The following NRXN3 variants were observed in gnomAD, a reference collection of about 807,000 sequenced individuals.
The protein encoded by NRXN3 is neurexin III.
A neutral mutation model predicts 137.6 loss-of-function variants in NRXN3; 32 were observed. The observed-to-expected ratio is 0.23, with a 90% CI of 0.18 to 0.31. The LOEUF (loss-of-function observed/expected upper bound fraction) is 0.31, where lower values mean the gene tolerates loss of function less well. NRXN3 is among the 10% of genes least tolerant of loss of function. The pLI is 1.00. For missense variants in NRXN3, 1,574 were observed against 2,062.5 expected, an observed-to-expected ratio of 0.76 and a Z score of 4.59; for synonymous variants, 798 against 784.5, an observed-to-expected ratio of 1.02 and a Z score of -0.29.
intron 15 of NRXN3, among the ~76,000 whole-genome samples, chr14:79,291,548 G>T (rs908774661): frequency 6.6e-6 from 1 of 150,512 alleles, no homozygotes; most frequent in Non-Finnish European, 1.5e-5. Flanking sequence ...AGGCAGACTC[G>T]GAGGCATGGA....
At chr14:78,739,315 G>A (rs982041482) in intron 8 of NRXN3, among the ~76,000 whole-genome samples, 2 of 152,240 alleles carry the variant, frequency 1.3e-5, no homozygotes, top group African/African-American at 4.8e-5. Flanking sequence ...CACATAGCAT[G>A]TTGGCTGCGA....
intron 1 of NRXN3, among the ~76,000 whole-genome samples, chr14:78,207,467 A>C (rs2062318523): frequency 6.6e-6 from 1 of 151,882 alleles, no homozygotes; most frequent in African/African-American, 2.4e-5. Flanking sequence ...GGTCCTCTCC[A>C]CCCACAGGCA....
intron 3 of NRXN3, among the ~76,000 whole-genome samples, chr14:78,286,839 A>G (rs2075239288): frequency 6.6e-6 from 1 of 152,228 alleles, no homozygotes; most frequent in South Asian, 2.1e-4. Flanking sequence ...TGTGACTGTC[A>G]CAGTGATTCT....
Position 78,831,559 on chromosome 14 carries a change from A to AAAC in NRXN3, c.2275+21223_2275+21225dup, listed in dbSNP as rs1246185082. Among the ~76,000 whole-genome samples, 212 of 149,312 alleles carry AAAC rather than the reference A, an allele frequency of 1.4e-3. 2 individuals carry two copies. The highest frequency in any genetic ancestry group is 4.7e-3 in the African/African-American group (191 of 40,312). ...CAAAAAAAAAAAAAAAAAAAAAAAA[A>AAAC]AACAACAACAGAACAATAGCACTTT... On this transcript the variant is annotated intron_variant, in intron 10 of 20. Coordinates refer to ENST00000335750, the MANE Select transcript of NRXN3 (RefSeq NM_001330195.2).
At position 78,738,833 on chromosome 14, in the gene NRXN3, G is replaced by A. The variant is rs940917515; in HGVS notation, c.2044+23694G>A. ...AACAGGAATTAGATCAGGGAAATAA[G>A]AAGGCAGATGGAAGAATGATTTTTG... On this transcript the variant is annotated intron_variant, in intron 8 of 20. Transcript: ENST00000335750. Among the ~76,000 whole-genome samples, 5 of 152,292 alleles carry A rather than the reference G, an allele frequency of 3.3e-5. No individual in the cohort carries two copies. In the South Asian group the frequency reaches 6.2e-4, roughly 19 times the overall value.
chr14:78,548,695 A>T (rs2096658956), intron 4 of NRXN3, among the ~76,000 whole-genome samples: 1 of 152,068 alleles, frequency 6.6e-6, no homozygotes, highest in Admixed American at 6.6e-5. Flanking sequence ...CGTTTTGCAC[A>T]TTCCTCTGTT....
chr14:78,660,697 C>A (rs924650961), intron 6 of NRXN3, among the ~76,000 whole-genome samples: 2 of 152,118 alleles, frequency 1.3e-5, no homozygotes, highest in African/African-American at 2.4e-5. Flanking sequence ...TTTGAAGGCC[C>A]TGGTTTAAAC....
intron 16 of NRXN3, among the ~76,000 whole-genome samples, chr14:79,606,940 C>G (rs2098027512): frequency 6.6e-6 from 1 of 152,204 alleles, no homozygotes; most frequent in Non-Finnish European, 1.5e-5. Context: ...ACAACTTACA[C>G]TGCTGTAAGT....
chr14:79,180,425 C>T (rs1033175995), intron 15 of NRXN3, among the ~76,000 whole-genome samples: 1 of 152,172 alleles, frequency 6.6e-6, no homozygotes, highest in African/African-American at 2.4e-5. Context: ...AATATCTGAG[C>T]ATTTTTAAAA....
intron 19 of NRXN3, among the ~76,000 whole-genome samples, chr14:79,713,478 G>GTGTATATATA (rs145838618): frequency 2.2e-5 from 3 of 135,370 alleles, no homozygotes; most frequent in African/African-American, 8.1e-5. Context: ...TATATATAAT[G>GTGTATATATA]TATATATATA....
chr14:79,107,021 G>A (rs965549216), intron 15 of NRXN3, among the ~76,000 whole-genome samples: 2 of 152,088 alleles, frequency 1.3e-5, no homozygotes, highest in Admixed American at 6.6e-5. Flanking sequence ...TACACAGATG[G>A]CTTCCTTATG....
At chr14:79,438,679 A>T (rs1273412474) in intron 15 of NRXN3, among the ~76,000 whole-genome samples, 1 of 152,238 alleles carries the variant, frequency 6.6e-6, no homozygotes, top group Non-Finnish European at 1.5e-5. Context: ...AAGCTATTTT[A>T]AACAAATATG....
chr14:79,721,727 G>C (rs765260840), intron 19 of NRXN3, among the ~76,000 whole-genome samples: 76 of 152,092 alleles, frequency 5.0e-4, no homozygotes, highest in Non-Finnish European at 2.1e-4. Context: ...ATTAAATCAA[G>C]GGGGTAAACA....
chr14:79,206,565 G>A (rs2066820346), intron 15 of NRXN3, among the ~76,000 whole-genome samples: 1 of 152,200 alleles, frequency 6.6e-6, no homozygotes, highest in Admixed American at 6.5e-5. Flanking sequence ...AGGCTAGCCT[G>A]AAGAGTAGGC....
At chr14:78,552,761 C>T (rs1369536581) in intron 4 of NRXN3, among the ~76,000 whole-genome samples, 2 of 152,036 alleles carry the variant, frequency 1.3e-5, no homozygotes, top group African/African-American at 2.4e-5. Flanking sequence ...ACAAATACAC[C>T]GTTTGATGGA....
chr14:79,867,140 A>G lies in NRXN3; in HGVS notation c.*5176A>G, dbSNP rs377383892. On this transcript the variant is annotated 3_prime_UTR_variant, in exon 21 of 21. Coordinates refer to ENST00000335750, the MANE Select transcript of NRXN3 (RefSeq NM_001330195.2). ...TTCTCCAAGGTCACACAGCTAATAC[A>G]TGACAATGTCATGACTTAAAATCCA... The G allele has an allele frequency of 6.6e-6, 1 of 152,368 alleles. No individual in the cohort carries two copies. The highest frequency in any genetic ancestry group is 1.9e-4 in the East Asian group (1 of 5,186). 9.4% of individuals were successfully genotyped at this position (152,368 alleles called of 1,614,324 possible). A position where few individuals can be genotyped will look rare whatever the true frequency, so the allele number is the denominator to read the frequency against.
chr14:78,715,083 A>G lies in NRXN3; in HGVS notation c.1988A>G (p.Asn663Ser). The G allele has an allele frequency of 2.5e-6, 4 of 1,613,088 alleles. No homozygotes were observed. The highest frequency in any genetic ancestry group is 3.4e-6 in the Non-Finnish European group (4 of 1,179,910). The change falls in exon 8 of 21, where the codon AAC (asparagine) becomes AGC (serine). Residue 663 changes from asparagine (N) to serine (S), a missense_variant. By Grantham distance (46) the Asn-to-Ser change is conservative. Coordinates refer to ENST00000335750, the MANE Select transcript of NRXN3 (RefSeq NM_001330195.2). ...KNNAVCKDGW[N>S]RFICDCTGTG... ...AATGCTGTGTGCAAGGACGGCTGGA[A>G]CCGCTTCATCTGCGACTGCACCGGC...
chr14:78,728,045 C>A (rs2098494755), intron 8 of NRXN3, among the ~76,000 whole-genome samples: 1 of 152,174 alleles, frequency 6.6e-6, no homozygotes, highest in South Asian at 2.1e-4. Flanking sequence ...CCCAAAGTTA[C>A]AGAGGTAGTA....
At chr14:78,599,487 T>G (rs1466241946) in intron 4 of NRXN3, among the ~76,000 whole-genome samples, 1 of 152,246 alleles carries the variant, frequency 6.6e-6, no homozygotes, top group Non-Finnish European at 1.5e-5. Context: ...ACAATTTACC[T>G]AAAAGTCAGC....
Sources: gnomAD v4.1 joint callset for allele counts (sites outside exome capture counted in the v4.1 genomes callset) on GRCh38, gnomAD v4.1.1 for gene constraint, MANE v1.5 for transcripts, NCBI Gene and HGNC (gene_info 2026-07-23, HGNC 2026-07-21) for gene names.